SFMBT1: variants seen among roughly 807,000 people sequenced by gnomAD.
The protein encoded by SFMBT1 is scm-like with four MBT domains protein 1.
A neutral mutation model predicts 108.7 loss-of-function variants in SFMBT1; 32 were observed. That is an observed-to-expected ratio of 0.29 (90% CI 0.22 to 0.40). The LOEUF (loss-of-function observed/expected upper bound fraction) is 0.40. Among genes scored for constraint, SFMBT1 ranks in the 10% least tolerant of loss-of-function variants. The probability of loss-of-function intolerance (pLI) is 1.00; values close to 1 mark genes in which losing one functional copy is unlikely to be tolerated. For missense variants in SFMBT1, 816 were observed against 1,059.6 expected (o/e 0.77, Z 3.19); for synonymous variants, 348 against 369.5 (o/e 0.94, Z 0.67).
intron 2 of SFMBT1, among the ~76,000 whole-genome samples, chr3:52,966,520 G>T (rs1240778034): frequency 6.7e-6 from 1 of 148,898 alleles, no homozygotes; most frequent in Non-Finnish European, 1.5e-5. Context: ...AGATACTTGG[G>T]AGGCTGAGGC....
chr3:53,005,482 G>A (rs1312307754), intron 1 of SFMBT1, among the ~76,000 whole-genome samples: 4 of 152,152 alleles, frequency 2.6e-5, no homozygotes, highest in Non-Finnish European at 5.9e-5. Context: ...CCTGCTAATT[G>A]TTATTGTAGA....
At chr3:53,012,309 C>T (rs1346567580) in intron 1 of SFMBT1, among the ~76,000 whole-genome samples, 3 of 151,964 alleles carry the variant, frequency 2.0e-5, no homozygotes, top group Non-Finnish European at 4.4e-5. Flanking sequence ...AACTGAAGGC[C>T]GTGAATAAGA....
chr3:52,916,662 CTG>C (rs1183768568), intron 13 of SFMBT1, among the ~76,000 whole-genome samples: 2 of 151,198 alleles, frequency 1.3e-5, no homozygotes, highest in Non-Finnish European at 2.9e-5. Context: ...AAGCAGGACT[CTG>C]TGTCAAAAAA....
chr3:52,904,720 G>A lies in SFMBT1; in HGVS notation c.*416C>T, dbSNP rs979218417. On this transcript the variant is annotated 3_prime_UTR_variant, in exon 21 of 21. Coordinates refer to ENST00000394752, the MANE Select transcript of SFMBT1 (RefSeq NM_016329.4). ...CAAATCAGTGCTGACTTAAAGCTAA[G>A]TCCTCTCTTTCCAAGAAAAAGAAAG... 1.6e-4 allele frequency: 26 copies of A among 161,036 alleles called. No homozygotes were observed. Among genetic ancestry groups the A allele is most frequent in the Non-Finnish European group, 3.0e-4 (22 of 73,908 alleles). The allele number at this position is 161,036 out of a possible 1,614,324, so 10.0% of individuals were successfully genotyped here.
intron 2 of SFMBT1, among the ~76,000 whole-genome samples, chr3:52,957,555 A>C (rs1322328478): frequency 6.6e-6 from 1 of 152,240 alleles, no homozygotes; most frequent in Non-Finnish European, 1.5e-5. Context: ...GCCCTACCTG[A>C]CTTCAAACTA....
intron 4 of SFMBT1, among the ~76,000 whole-genome samples, chr3:52,942,686 T>C (rs1703224601): frequency 1.3e-5 from 2 of 152,202 alleles, no homozygotes; most frequent in Admixed American, 6.5e-5. Context: ...CTAATTGTTT[T>C]GTATTTTTAG....
intron 1 of SFMBT1, among the ~76,000 whole-genome samples, chr3:53,009,195 C>T (rs1333606245): frequency 6.6e-6 from 1 of 151,704 alleles, no homozygotes; most frequent in Non-Finnish European, 1.5e-5. Flanking sequence ...GCCTGTAATC[C>T]CGGCACTTTG....
chr3:52,931,176 A>G (rs2106795715), intron 6 of SFMBT1, 141 bp from the exon 7 acceptor site: 1 of 688,990 alleles, frequency 1.5e-6, no homozygotes, highest in South Asian at 1.8e-5. Flanking sequence ...ATCCCTTTAC[A>G]TTCAAAGAAC....
At chr3:52,988,734 A>G (rs1705016726) in intron 1 of SFMBT1, among the ~76,000 whole-genome samples, 1 of 152,256 alleles carries the variant, frequency 6.6e-6, no homozygotes, top group Non-Finnish European at 1.5e-5. Flanking sequence ...ATAATTTGGC[A>G]CAAAAAGTTA....
chr3:52,955,988 A>G (rs1247293249), intron 2 of SFMBT1, among the ~76,000 whole-genome samples: 2 of 152,246 alleles, frequency 1.3e-5, no homozygotes, highest in African/African-American at 4.8e-5. Context: ...GCAGAAGCAC[A>G]TCAGAAAGCT....
At chr3:52,979,368 C>G (rs1303987083) in intron 1 of SFMBT1, among the ~76,000 whole-genome samples, 1 of 152,180 alleles carries the variant, frequency 6.6e-6, no homozygotes, top group African/African-American at 2.4e-5. Context: ...CAGATGAAGT[C>G]CAAACAGGTG....
At chr3:52,955,566 C>T (rs775557871) in intron 2 of SFMBT1, among the ~76,000 whole-genome samples, 9 of 152,098 alleles carry the variant, frequency 5.9e-5, no homozygotes, top group Non-Finnish European at 1.2e-4. Flanking sequence ...TCAGAGAATA[C>T]TATAAATACT....
At chr3:52,972,355 T>C (rs947004593) in intron 1 of SFMBT1, among the ~76,000 whole-genome samples, 2 of 152,198 alleles carry the variant, frequency 1.3e-5, no homozygotes, top group African/African-American at 4.8e-5. Flanking sequence ...CAGTTCATCA[T>C]CTTAATAGGA....
At chr3:53,004,239 T>G (rs1698660936) in intron 1 of SFMBT1, among the ~76,000 whole-genome samples, 1 of 106,558 alleles carries the variant, frequency 9.4e-6, no homozygotes, top group Non-Finnish European at 2.0e-5. Context: ...CCTTCCTCCT[T>G]CCCTTCTTTC....
intron 2 of SFMBT1, among the ~76,000 whole-genome samples, chr3:52,965,709 T>TA (rs917112918): frequency 7.3e-5 from 11 of 150,866 alleles, no homozygotes; most frequent in Non-Finnish European, 1.2e-4. Context: ...AGACCTCCTT[T>TA]AAAAAAAAGA....
intron 1 of SFMBT1, among the ~76,000 whole-genome samples, chr3:53,025,962 AGTGT>A (rs1406018788): frequency 6.6e-6 from 1 of 152,238 alleles, no homozygotes; most frequent in East Asian, 1.9e-4. Context: ...GCTTTCTCTC[AGTGT>A]TGGGCTGTGT....
At chr3:52,947,386 G>C (rs960452042) in intron 3 of SFMBT1, among the ~76,000 whole-genome samples, 2 of 152,142 alleles carry the variant, frequency 1.3e-5, no homozygotes, top group Non-Finnish European at 2.9e-5. Flanking sequence ...CAAAGTGCTG[G>C]GATTACAGGC....
intron 1 of SFMBT1, among the ~76,000 whole-genome samples, chr3:52,991,421 T>G (rs942120602): frequency 1.4e-5 from 2 of 140,196 alleles, no homozygotes; most frequent in African/African-American, 5.1e-5. Context: ...CTCAGCTCAC[T>G]GCAACCTCCA....
chr3:52,965,999 C>CG (rs1704125324), intron 2 of SFMBT1, among the ~76,000 whole-genome samples: 1 of 91,888 alleles, frequency 1.1e-5, no homozygotes, highest in African/African-American at 4.9e-5. Context: ...GAGCAAGACT[C>CG]CGTTTCAAAA....
Sources: gnomAD v4.1 joint callset for allele counts (sites outside exome capture counted in the v4.1 genomes callset) on GRCh38, gnomAD v4.1.1 for gene constraint, MANE v1.5 for transcripts, NCBI Gene and HGNC (gene_info 2026-07-23, HGNC 2026-07-21) for gene names.